The following MEIS2 variants were observed in gnomAD, a reference collection of about 807,000 sequenced individuals.
MEIS2 encodes Meis homeobox 2.
In MEIS2, 9 loss-of-function variants were observed where a neutral mutation model predicts 58.6. The ratio of observed to expected loss-of-function variants is 0.15; its 90% confidence interval spans 0.09 to 0.27. MEIS2 has a LOEUF of 0.27. Among genes scored for constraint, MEIS2 ranks in the 10% least tolerant of loss-of-function variants. The pLI is 1.00. For missense variants in MEIS2, 427 were observed against 635.0 expected, an observed-to-expected ratio of 0.67 and a Z score of 3.52; for synonymous variants, 221 against 228.4, an observed-to-expected ratio of 0.97 and a Z score of 0.29.
At chr15:37,074,815 G>T (rs1320208508) in intron 7 of MEIS2, among the ~76,000 whole-genome samples, 1 of 151,942 alleles carries the variant, frequency 6.6e-6, no homozygotes, top group Non-Finnish European at 1.5e-5. Flanking sequence ...CTAGGTCTGT[G>T]CCCTTTTCAA....
chr15:36,893,774 A>G (rs1431290398), intron 11 of MEIS2, among the ~76,000 whole-genome samples: 1 of 152,206 alleles, frequency 6.6e-6, no homozygotes, highest in Non-Finnish European at 1.5e-5. Flanking sequence ...AAGGAAGGAA[A>G]TTGGCTTCAT....
rs913116427 is a variant in MEIS2 at position 37,099,155 on chromosome 15, C to G, written c.12+300G>C. ...GGTAAAAGCTGGAGCGAGGCGAAAGCGTGTAACGATTGCACACGCACACAC... is the reference window on the plus strand; with the variant it reads ...GGTAAAAGCTGGAGCGAGGCGAAAGGGTGTAACGATTGCACACGCACACAC... On this transcript the variant is annotated intron_variant, in intron 1 of 11. Coordinates refer to ENST00000561208, the MANE Select transcript of MEIS2 (RefSeq NM_170675.5). The G allele has an allele frequency of 5.8e-6, 7 of 1,205,914 alleles. No individual in the cohort carries two copies. The African/African-American group carries it at 1.1e-4, about 19-fold the overall frequency. The allele number at this position is 1,205,914 out of a possible 1,614,324, so 74.7% of individuals were successfully genotyped here. A position where few individuals can be genotyped will look rare whatever the true frequency, so the allele number is the denominator to read the frequency against.
intron 8 of MEIS2, among the ~76,000 whole-genome samples, chr15:37,001,366 C>T (rs1305274396): frequency 6.6e-6 from 1 of 152,126 alleles, no homozygotes; most frequent in Admixed American, 6.5e-5. Context: ...AAATCTCTTC[C>T]TACTCCAGCC....
In MEIS2 at chr15:37,025,026, G is replaced by C. The variant is rs535281119; in HGVS notation, c.900+11788C>G. ...TGACTCATGCTGCCACATATGAATG[G>C]TCTGTCAGGTCTTTTGCCTTTCTCT... On this transcript the variant is annotated intron_variant, in intron 8 of 11. Coordinates refer to ENST00000561208, the MANE Select transcript of MEIS2 (RefSeq NM_170675.5). Among the ~76,000 whole-genome samples, 3 of 152,290 alleles carry C rather than the reference G, an allele frequency of 2.0e-5. No homozygotes were observed. The East Asian group carries it at 5.8e-4, about 29-fold the overall frequency.
At chr15:37,068,812 G>A (rs1890305846) in intron 7 of MEIS2, among the ~76,000 whole-genome samples, 1 of 152,170 alleles carries the variant, frequency 6.6e-6, no homozygotes, top group South Asian at 2.1e-4. Context: ...ACTGTCTCTA[G>A]GGTAGAGATG....
At chr15:36,931,415 T>C (rs1452689189) in intron 9 of MEIS2, among the ~76,000 whole-genome samples, 1 of 152,208 alleles carries the variant, frequency 6.6e-6, no homozygotes, top group Non-Finnish European at 1.5e-5. Context: ...CAAATCAGAA[T>C]ACAGCTTTTG....
intron 7 of MEIS2, among the ~76,000 whole-genome samples, chr15:37,076,873 A>T (rs1413233082): frequency 6.6e-6 from 1 of 152,048 alleles, no homozygotes; most frequent in Non-Finnish European, 1.5e-5. Flanking sequence ...TGTTATAAAT[A>T]TACATATATA....
intron 7 of MEIS2, among the ~76,000 whole-genome samples, chr15:37,071,368 C>CGGGATTG (rs902914107): frequency 6.6e-6 from 1 of 151,934 alleles, no homozygotes; most frequent in African/African-American, 2.4e-5. Context: ...ACTAGAAGTC[C>CGGGATTG]GGGCTTGGGG....
intron 11 of MEIS2, among the ~76,000 whole-genome samples, chr15:36,892,883 C>A (rs958713502): frequency 2.6e-5 from 4 of 152,158 alleles, no homozygotes; most frequent in African/African-American, 9.7e-5. Context: ...GACATCTTAT[C>A]ATATCTATAT....
chr15:37,021,605 C>A (rs1378381043), intron 8 of MEIS2, among the ~76,000 whole-genome samples: 2 of 152,190 alleles, frequency 1.3e-5, no homozygotes, highest in Non-Finnish European at 2.9e-5. Context: ...TTCTCTGTTT[C>A]TCTCTCTTAT....
chr15:37,079,236 A>T (rs1891870335), intron 7 of MEIS2, among the ~76,000 whole-genome samples: 1 of 152,094 alleles, frequency 6.6e-6, no homozygotes, highest in African/African-American at 2.4e-5. Flanking sequence ...TTTTGACACA[A>T]TTAGGAGGAC....
intron 8 of MEIS2, among the ~76,000 whole-genome samples, chr15:37,007,185 T>G (rs182687936): frequency 6.6e-6 from 1 of 152,180 alleles, no homozygotes; most frequent in Non-Finnish European, 1.5e-5. Flanking sequence ...GACCAACTTC[T>G]GGCCCACATG....
intron 9 of MEIS2, among the ~76,000 whole-genome samples, chr15:36,920,311 G>A (rs1206292719): frequency 3.9e-5 from 6 of 151,958 alleles, no homozygotes; most frequent in Admixed American, 6.6e-5. Context: ...CACCACGCCC[G>A]GCTAGTTTTG....
In MEIS2 at chr15:37,020,006, G is replaced by C. The variant is rs925645639; in HGVS notation, c.900+16808C>G. ...GGGAGCTCGAACATAATTTACAGTT[G>C]TAGAGAGCCCTACGAGGACTCAGCT... is the stretch of plus-strand genomic sequence containing the variant. On this transcript the variant is annotated intron_variant, in intron 8 of 11. Coordinates refer to ENST00000561208, the MANE Select transcript of MEIS2 (RefSeq NM_170675.5). 3.3e-5 allele frequency among the ~76,000 whole-genome samples: 5 copies of C among 152,110 alleles called. 1 individual carries two copies. In the South Asian group the frequency reaches 8.3e-4, roughly 25 times the overall value.
intron 7 of MEIS2, among the ~76,000 whole-genome samples, chr15:37,052,113 T>TA (rs1366831463): frequency 1.3e-5 from 2 of 152,218 alleles, no homozygotes; most frequent in African/African-American, 4.8e-5. Context: ...CTGGAGATCT[T>TA]AGACAATTTC....
At chr15:37,077,277 T>C (rs1473251097) in intron 7 of MEIS2, among the ~76,000 whole-genome samples, 1 of 152,084 alleles carries the variant, frequency 6.6e-6, no homozygotes, top group African/African-American at 2.4e-5. Flanking sequence ...CTCTTCTGAA[T>C]GGCACTGTAA....
intron 8 of MEIS2, among the ~76,000 whole-genome samples, chr15:36,972,419 T>C (rs1482022280): frequency 6.6e-6 from 1 of 152,154 alleles, no homozygotes; most frequent in Non-Finnish European, 1.5e-5. Flanking sequence ...TCCATTATTT[T>C]CAGGCTGAAG....
At chr15:37,051,549 G>A (rs929529629) in intron 7 of MEIS2, among the ~76,000 whole-genome samples, 7 of 152,314 alleles carry the variant, frequency 4.6e-5, no homozygotes, top group African/African-American at 1.4e-4. Flanking sequence ...TGCTGGTCTC[G>A]TGAGTGTATA....
Position 37,029,934 on chromosome 15 carries a change from T to A in MEIS2, c.900+6880A>T, listed in dbSNP as rs548897581. Among the ~76,000 whole-genome samples, 133 of 152,076 alleles carry A rather than the reference T, an allele frequency of 8.7e-4. 2 individuals are homozygous for A. Among genetic ancestry groups the A allele is most frequent in the African/African-American group, 3.1e-3 (129 of 41,514 alleles). ...ATCCCAGCACTCTGGGAGGCTGAGGTGGGAAGATCAGTTGAGGCCACGAGT... is the reference window on the plus strand; with the variant it reads ...ATCCCAGCACTCTGGGAGGCTGAGGAGGGAAGATCAGTTGAGGCCACGAGT... On this transcript the variant is annotated intron_variant, in intron 8 of 11. Transcript: ENST00000561208.
Sources: allele counts gnomAD v4.1 joint callset (sites outside exome capture counted in the v4.1 genomes callset), GRCh38; gene constraint gnomAD v4.1.1; transcripts MANE v1.5; gene names NCBI Gene and HGNC (gene_info 2026-07-23, HGNC 2026-07-21).